Variants in CFAP92 observed in about 807,000 individuals in gnomAD.
CFAP92 encodes cilia and flagella associated protein 92 (putative), also known as uncharacterized protein CFAP92.
CFAP92 carries 86 observed loss-of-function variants against 106.3 expected under a neutral mutation model. The ratio of observed to expected loss-of-function variants is 0.81; its 90% CI spans 0.68 to 0.97. The LOEUF (loss-of-function observed/expected upper bound fraction) is 0.97. CFAP92 is among the 50% of genes least tolerant of loss of function. The pLI, the probability that CFAP92 is intolerant of heterozygous loss-of-function variation, is 0.00. For synonymous variants in CFAP92, 477 were observed against 506.4 expected (o/e 0.94, Z 0.78); for missense variants, 1,204 against 1,283.8 (o/e 0.94, Z 0.95).
chr3:128,947,215 C>T (rs1438700459), intron 9 of CFAP92, among the ~76,000 whole-genome samples: 1 of 150,552 alleles, frequency 6.6e-6, no homozygotes, highest in Non-Finnish European at 1.5e-5. Flanking sequence ...GTCCTGAAAA[C>T]TTCAAAGCAC....
chr3:128,912,499 C>T lies in CFAP92; in HGVS notation c.3281-2166G>A. ...AGATCACCCACCATCTCTCCTTTTC[C>T]TTCCCAGATGCTCCAGAAAACCTAG... On this transcript the variant is annotated intron_variant, in intron 15 of 15. Transcript: ENST00000645291. The T allele has an allele frequency of 6.2e-7, 1 of 1,612,562 alleles. No individual in the cohort carries two copies. The highest frequency in any genetic ancestry group is 8.5e-7 in the Non-Finnish European group (1 of 1,178,688).
At chr3:128,952,992 G>C (rs1196676660) in intron 9 of CFAP92, among the ~76,000 whole-genome samples, 1 of 152,180 alleles carries the variant, frequency 6.6e-6, no homozygotes, top group Non-Finnish European at 1.5e-5. Context: ...CTGAGGCAGA[G>C]AACTGCTTGA....
chr3:128,967,571 C>T (rs1229560661), intron 8 of CFAP92: 2 of 152,070 alleles, frequency 1.3e-5, no homozygotes, highest in African/African-American at 4.8e-5. Flanking sequence ...CGTGGTAGCG[C>T]ATGCCTGTAT....
chr3:128,972,386 C>T (rs896481261), intron 7 of CFAP92, among the ~76,000 whole-genome samples: 9 of 151,722 alleles, frequency 5.9e-5, no homozygotes, highest in African/African-American at 1.5e-4. Context: ...GGACCACAGG[C>T]GCGTGCTACC....
chr3:128,945,738 C>A lies in CFAP92; in HGVS notation c.1591G>T (p.Asp531Tyr). The change falls in exon 10 of 16, where the codon GAC becomes TAC. Residue 531 changes from aspartate to tyrosine, a missense_variant. Transcript: ENST00000645291. ...CSQKPVLFGEDPLDSYLNFQA... is the reference protein window; with the variant it reads ...CSQKPVLFGEYPLDSYLNFQA... Reference sequence around the variant, plus strand: ...AAGTTGAGGTATGAATCCAGAGGGTCCTCCCCAAACAGCACGGGCTTCTGA... The same window carrying A: ...AAGTTGAGGTATGAATCCAGAGGGTACTCCCCAAACAGCACGGGCTTCTGA... 6.5e-7 allele frequency: 1 copy of A among 1,535,766 alleles called. No homozygotes were observed. The highest frequency in any genetic ancestry group is 1.2e-5 in the South Asian group (1 of 84,036).
intron 4 of CFAP92, among the ~76,000 whole-genome samples, chr3:128,984,649 T>C (rs1943738207): frequency 6.6e-6 from 1 of 152,206 alleles, no homozygotes; most frequent in Non-Finnish European, 1.5e-5. Context: ...TTGTGGGACT[T>C]CACCTTGTGA....
Position 128,945,810 on chromosome 3 carries a change from TG to T in CFAP92, c.1518del (p.Met507TrpfsTer74), listed in dbSNP as rs1269830199. 2.4e-5 allele frequency: 37 copies of T among 1,523,584 alleles called. No homozygotes were observed. The highest frequency in any genetic ancestry group is 6.1e-5 in the South Asian group (5 of 81,744). 94.4% of individuals were successfully genotyped at this position (1,523,584 alleles called of 1,614,324 possible). ...SDLREYLEGP[P>X]MVVEVHDRDR... ...TCCCGGTCGTGAACTTCCACCACCA[TG>T]GGGGGGCCCTCCAGGTATTCCCTTA... is the stretch of plus-strand genomic sequence containing the variant. On this transcript the variant is annotated frameshift_variant, in exon 10 of 16. Coordinates refer to ENST00000645291, the MANE Select transcript of CFAP92 (RefSeq NM_001394090.1). LOFTEE classifies it high-confidence loss of function.
intron 4 of CFAP92, among the ~76,000 whole-genome samples, chr3:128,980,655 G>A (rs1943471516): frequency 6.6e-6 from 1 of 152,184 alleles, no homozygotes; most frequent in South Asian, 2.1e-4. Context: ...TCAACTAAAT[G>A]TGTGTACTAT....
chr3:128,988,310 G>A (rs548332256), intron 3 of CFAP92, among the ~76,000 whole-genome samples: 4 of 152,308 alleles, frequency 2.6e-5, no homozygotes, highest in East Asian at 1.9e-4. Flanking sequence ...GGAGGCCAAC[G>A]CGGGAGGATG....
Position 128,945,421 on chromosome 3 carries a change from C to A in CFAP92, c.1908G>T (p.Val636=). Residue 636 remains valine, a synonymous_variant, in exon 10 of 16, where the codon GTG becomes GTT. Transcript: ENST00000645291. The part of the protein sequence containing the change: ...LEADSQLKLR[V]DIAVPLRAGA... The stretch of plus-strand genomic sequence containing the variant: ...CGGCCCTCAGTGGCACCGCGATGTC[C>A]ACTCGCAACTTGAGCTGGGAGTCAG... The A allele has an allele frequency of 6.5e-7, 1 of 1,536,150 alleles. No individual in the cohort carries two copies. The highest frequency in any genetic ancestry group is 8.7e-7 in the Non-Finnish European group (1 of 1,146,918).
chr3:128,993,931 G>A lies in CFAP92; in HGVS notation c.-33+49C>T, dbSNP rs532289514. The A allele has an allele frequency of 1.0e-3, 1,001 of 985,498 alleles. 8 individuals carry two copies. The African/African-American group carries it at 0.016, about 16-fold the overall frequency. The allele number at this position is 985,498 out of a possible 1,614,324, so 61.0% of individuals were successfully genotyped here. A position where few individuals can be genotyped will look rare whatever the true frequency, so the allele number is the denominator to read the frequency against. On this transcript the variant is annotated intron_variant, in intron 1 of 15. Transcript: ENST00000645291. ...GCGGGAAGAGTCCCGGGCTGCGGCG[G>A]CCGAGGTGGGGGCAGGGGTCGGGGT...
At chr3:128,979,864 G>A (rs1480162461) in intron 4 of CFAP92, among the ~76,000 whole-genome samples, 3 of 150,682 alleles carry the variant, frequency 2.0e-5, no homozygotes, top group Non-Finnish European at 4.4e-5. Flanking sequence ...AGTTAATGGG[G>A]GTAGCACACC....
At chr3:128,967,442 C>T (rs1229015880) in intron 8 of CFAP92, 1 of 152,238 alleles carries the variant, frequency 6.6e-6, no homozygotes, top group Non-Finnish European at 1.5e-5. Flanking sequence ...TGGCTCACGC[C>T]TATAATCCCA....
chr3:129,009,911 G>T, the CFAP92 span, among the ~76,000 whole-genome samples: 1 of 152,230 alleles, frequency 6.6e-6, no homozygotes, highest in South Asian at 2.1e-4. Flanking sequence ...GTGATTCAGG[G>T]CTCACTGGGG....
In CFAP92 at chr3:128,945,102, A is replaced by G; in HGVS notation, c.2227T>C (p.Leu743=). ...TGGTGGTTCTCCCACAGCTGCCTCA[A>G]GCCTTGGTCGGCCAGGCCTTCCAGG... ...FILEGLADQG[L]RQLWENHQSW... is the part of the protein sequence containing the mutation. Residue 743 remains leucine (L), a synonymous_variant, in exon 10 of 16, where the codon TTG becomes CTG. Coordinates refer to ENST00000645291, the MANE Select transcript of CFAP92 (RefSeq NM_001394090.1). 6.5e-7 allele frequency: 1 copy of G among 1,532,810 alleles called. No homozygotes were observed. Among genetic ancestry groups the G allele is most frequent in the Non-Finnish European group, 8.7e-7 (1 of 1,144,610 alleles). The allele number at this position is 1,532,810 out of a possible 1,614,324, so 95.0% of individuals were successfully genotyped here. A position where few individuals can be genotyped will look rare whatever the true frequency, so the allele number is the denominator to read the frequency against.
intron 9 of CFAP92, among the ~76,000 whole-genome samples, chr3:128,963,888 GC>G: frequency 6.6e-6 from 1 of 151,272 alleles, no homozygotes; most frequent in Non-Finnish European, 1.5e-5. Context: ...TCGAGGATTT[GC>G]CCCCACCCAG....
intron 9 of CFAP92, among the ~76,000 whole-genome samples, chr3:128,960,156 T>G (rs1941774264): frequency 6.6e-6 from 1 of 152,192 alleles, no homozygotes; most frequent in Non-Finnish European, 1.5e-5. Context: ...CTGACTCTCT[T>G]TTCGGACTCA....
At chr3:129,020,032 G>A in the CFAP92 span, among the ~76,000 whole-genome samples, 2 of 152,088 alleles carry the variant, frequency 1.3e-5, no homozygotes, top group African/African-American at 4.8e-5. Flanking sequence ...GCCTCCCAAA[G>A]TGCTGGGATT....
intron 10 of CFAP92, among the ~76,000 whole-genome samples, chr3:128,940,699 C>T (rs1453734106): frequency 6.6e-6 from 1 of 152,092 alleles, no homozygotes; most frequent in East Asian, 1.9e-4. Flanking sequence ...GTCTGCTTGT[C>T]TATCTCTGAA....
Sources: gnomAD v4.1 joint callset for allele counts (sites outside exome capture counted in the v4.1 genomes callset) on GRCh38, gnomAD v4.1.1 for gene constraint, MANE v1.5 for transcripts, NCBI Gene and HGNC (gene_info 2026-07-23, HGNC 2026-07-21) for gene names.